Variants in FARS2 observed in about 807,000 individuals in gnomAD.
FARS2 encodes phenylalanine--tRNA ligase, mitochondrial.
A neutral mutation model predicts 46.4 loss-of-function variants in FARS2; 40 were observed. That is an observed-to-expected ratio of 0.86 (90% CI 0.67 to 1.12). FARS2 has a LOEUF of 1.12. FARS2 is among the 50% of genes most tolerant of loss of function. The pLI is 0.00. For missense variants in FARS2, 513 were observed against 567.9 expected (o/e 0.90, Z 0.98); for synonymous variants, 234 against 214.9 (o/e 1.09, Z -0.78).
At chr6:5,442,655 C>G (rs966283366) in intron 4 of FARS2, among the ~76,000 whole-genome samples, 10 of 152,282 alleles carry the variant, frequency 6.6e-5, no homozygotes, top group Admixed American at 4.6e-4. Context: ...CATTTACCCT[C>G]TCTTTCCTAG....
chr6:5,317,175 A>G (rs1769583461), intron 1 of FARS2, among the ~76,000 whole-genome samples: 1 of 152,218 alleles, frequency 6.6e-6, no homozygotes. Context: ...CAAACAGTAA[A>G]AACAGCTAAC....
chr6:5,436,123 C>A (rs1763508377), intron 4 of FARS2, among the ~76,000 whole-genome samples: 1 of 152,146 alleles, frequency 6.6e-6, no homozygotes, highest in Non-Finnish European at 1.5e-5. Flanking sequence ...ACCGTGGGCA[C>A]AATGTGTGGG....
Position 5,368,838 on chromosome 6 carries a change from A to G in FARS2, c.268A>G (p.Lys90Glu), listed in dbSNP as rs371681314. 3 of 1,614,018 alleles carry G rather than the reference A, an allele frequency of 1.9e-6. No individual in the cohort carries two copies. The African/African-American group carries it at 4.0e-5, about 22-fold the overall frequency. ...NQQHHPLWLIKERVKEHFYKQ... is the reference protein window; with the variant it reads ...NQQHHPLWLIEERVKEHFYKQ... ...GCAGCATCACCCTCTGTGGCTGATC[A>G]AGGAGAGGGTGAAGGAGCACTTCTA... Residue 90 changes from lysine to glutamate, a missense_variant, in exon 2 of 7, where the codon AAG becomes GAG. Physicochemically the swap from Lys to Glu is moderately conservative, Grantham distance 56. Transcript: ENST00000274680.
At chr6:5,371,360 T>A (rs1475422986) in intron 2 of FARS2, 1 of 162,288 alleles carries the variant, frequency 6.2e-6, no homozygotes, top group East Asian at 1.9e-4. Flanking sequence ...AACATTTTAT[T>A]ATTATCTTTT....
intron 1 of FARS2, among the ~76,000 whole-genome samples, chr6:5,325,408 G>A (rs1004866738): frequency 6.6e-6 from 1 of 152,224 alleles, no homozygotes; most frequent in East Asian, 1.9e-4. Flanking sequence ...ATCCAGTGGC[G>A]GCAGGGACTG....
chr6:5,350,083 T>C (rs908583379), intron 1 of FARS2, among the ~76,000 whole-genome samples: 3 of 152,146 alleles, frequency 2.0e-5, no homozygotes, highest in African/African-American at 4.8e-5. Flanking sequence ...TTTTCTTTAC[T>C]ATTCCCTTTG....
At chr6:5,261,022 C>T, upstream of FARS2, 3 of 1,014,046 alleles carry the variant, frequency 3.0e-6, no homozygotes, top group Non-Finnish European at 3.6e-6. Flanking sequence ...CGCCCGGAGG[C>T]TCGGGACCCA....
the FARS2 span, among the ~76,000 whole-genome samples, chr6:5,253,015 C>A: frequency 1.3e-5 from 2 of 152,186 alleles, no homozygotes; most frequent in Non-Finnish European, 2.9e-5. Flanking sequence ...AGACCAGCTC[C>A]TTTCTATGGC....
At chr6:5,580,797 C>T (rs967294728) in intron 5 of FARS2, among the ~76,000 whole-genome samples, 2 of 152,190 alleles carry the variant, frequency 1.3e-5, no homozygotes, top group Non-Finnish European at 2.9e-5. Flanking sequence ...CCAGGCAGCC[C>T]TCTTCACGTC....
intron 6 of FARS2, among the ~76,000 whole-genome samples, chr6:5,659,082 C>A (rs571997739): frequency 6.6e-6 from 1 of 152,126 alleles, no homozygotes; most frequent in African/African-American, 2.4e-5. Context: ...ATATGACTTG[C>A]GGTATGGAAG....
chr6:5,734,430 G>T (rs987533927), intron 6 of FARS2, among the ~76,000 whole-genome samples: 3 of 152,312 alleles, frequency 2.0e-5, no homozygotes, highest in African/African-American at 7.2e-5. Flanking sequence ...AAAGCAAGGA[G>T]AGGGTGTCAG....
At chr6:5,447,755 C>T (rs1449617330) in intron 4 of FARS2, among the ~76,000 whole-genome samples, 1 of 152,132 alleles carries the variant, frequency 6.6e-6, no homozygotes, top group Non-Finnish European at 1.5e-5. Flanking sequence ...GGTAGGGAGG[C>T]TGAGTAGCAT....
intron 6 of FARS2, among the ~76,000 whole-genome samples, chr6:5,649,007 G>A (rs1315835712): frequency 6.6e-6 from 1 of 152,156 alleles, no homozygotes; most frequent in African/African-American, 2.4e-5. Context: ...AGTTAAGGTT[G>A]GGATTTAGGA....
chr6:5,595,786 C>T (rs1774165392), intron 5 of FARS2, among the ~76,000 whole-genome samples: 1 of 152,044 alleles, frequency 6.6e-6, no homozygotes, highest in Admixed American at 6.5e-5. Context: ...ACCTTTAATC[C>T]CCACTGGCAA....
intron 4 of FARS2, among the ~76,000 whole-genome samples, chr6:5,518,389 T>G (rs1196202989): frequency 1.3e-5 from 2 of 152,218 alleles, no homozygotes; most frequent in African/African-American, 4.8e-5. Context: ...AATGTTGATA[T>G]AACTTGGATG....
intron 1 of FARS2, among the ~76,000 whole-genome samples, chr6:5,307,500 C>T (rs1443154083): frequency 6.6e-6 from 1 of 152,180 alleles, no homozygotes; most frequent in Admixed American, 6.5e-5. Flanking sequence ...CGCGTGCACA[C>T]ACACATGCAC....
At chr6:5,261,227 A>C (rs9504368), upstream of FARS2, 54,659 of 152,892 alleles carry the variant, frequency 0.36, 11,826 homozygotes, top group African/African-American at 0.61. Context: ...CCCTTCCTAC[A>C]TCCAGGAGGC....
chr6:5,736,089 A>G (rs966192346), intron 6 of FARS2, among the ~76,000 whole-genome samples: 3 of 152,014 alleles, frequency 2.0e-5, no homozygotes, highest in Non-Finnish European at 4.4e-5. Context: ...AGGGATCTGA[A>G]GGCTCAACTG....
intron 4 of FARS2, among the ~76,000 whole-genome samples, chr6:5,539,380 T>TTG (rs138161918): frequency 0.31 from 24,945 of 79,794 alleles, 3,739 homozygotes; most frequent in East Asian, 0.5. Flanking sequence ...CTAATTTTTT[T>TTG]TGTGTATATA....
Sources: gnomAD v4.1 joint callset for allele counts (sites outside exome capture counted in the v4.1 genomes callset) on GRCh38, gnomAD v4.1.1 for gene constraint, MANE v1.5 for transcripts, NCBI Gene and HGNC (gene_info 2026-07-23, HGNC 2026-07-21) for gene names.